The following RORA variants were observed in gnomAD, a reference collection of about 807,000 sequenced individuals.
The protein encoded by RORA is RAR related orphan receptor A.
Under a neutral mutation model 69.5 loss-of-function variants are expected in RORA, and 7 were observed. That is an observed-to-expected ratio of 0.10 (90% CI 0.06 to 0.19). The LOEUF is 0.19. Ranked by LOEUF, RORA falls within the 10% of genes least tolerant of loss-of-function variation. The pLI is 1.00. For synonymous variants in RORA, 261 were observed against 240.8 expected, an observed-to-expected ratio of 1.08 and a Z score of -0.78; for missense variants, 457 against 663.0, an observed-to-expected ratio of 0.69 and a Z score of 3.41.
chr15:61,074,270 AG>A (rs2140621937), intron 1 of RORA, among the ~76,000 whole-genome samples: 1 of 152,352 alleles, frequency 6.6e-6, no homozygotes, highest in South Asian at 2.1e-4. Context: ...CAAGCCTAAA[AG>A]AACAAGATCA....
At chr15:60,597,571 TATACACATATATATATATATATACAC>T (rs1476265154) in intron 2 of RORA, among the ~76,000 whole-genome samples, 1 of 35,348 alleles carries the variant, frequency 2.8e-5, no homozygotes, top group Non-Finnish European at 4.5e-5. Flanking sequence ...TATATATATA[TATACACATATATATATATATATACAC>T]ATATATATAT....
At chr15:60,802,528 C>A (rs952787968) in intron 1 of RORA, among the ~76,000 whole-genome samples, 3 of 152,132 alleles carry the variant, frequency 2.0e-5, no homozygotes, top group African/African-American at 7.2e-5. Flanking sequence ...TATCTGGCTT[C>A]CATGTTCCGA....
Position 60,511,128 on chromosome 15 carries a change from C to T in RORA, c.820+98G>A. 1 of 1,317,918 alleles carries T rather than the reference C, an allele frequency of 7.6e-7. No individual in the cohort carries two copies. The allele number at this position is 1,317,918 out of a possible 1,614,324, so 81.6% of individuals were successfully genotyped here. A position where few individuals can be genotyped will look rare whatever the true frequency, so the allele number is the denominator to read the frequency against. On this transcript the variant is annotated intron_variant, in intron 5 of 10. Transcript: ENST00000335670. The surrounding 1 kb of genome is among the most constrained non-coding windows in gnomAD (Gnocchi z 6.4). ...TGGCCCAAATGGTAAAGGTGAATTG[C>T]ATCATTTAGCAGAACTCATTAGAGG...
At chr15:60,648,965 T>C (rs1393375088) in intron 2 of RORA, among the ~76,000 whole-genome samples, 2 of 152,162 alleles carry the variant, frequency 1.3e-5, no homozygotes. Flanking sequence ...TGAAAGAGGT[T>C]TCTCAATCTA....
chr15:60,655,639 A>C (rs1425776685), intron 2 of RORA, among the ~76,000 whole-genome samples: 5 of 152,216 alleles, frequency 3.3e-5, no homozygotes, highest in Admixed American at 6.5e-5. Flanking sequence ...AAAGCTTCCT[A>C]CAGTAGAAGT....
intron 1 of RORA, among the ~76,000 whole-genome samples, chr15:61,130,638 A>G (rs559925546): frequency 6.6e-6 from 1 of 152,318 alleles, no homozygotes; most frequent in Non-Finnish European, 1.5e-5. Flanking sequence ...GGAGATAAGT[A>G]TATCTAGATA....
chr15:60,819,746 GACACACACACACACAC>G (rs59044853), intron 1 of RORA, among the ~76,000 whole-genome samples: 52 of 119,348 alleles, frequency 4.4e-4, no homozygotes, highest in African/African-American at 1.2e-3. Context: ...GTCAAACCCA[GACACACACACACACAC>G]ACACACACAC....
intron 1 of RORA, among the ~76,000 whole-genome samples, chr15:60,943,066 T>A (rs1225266182): frequency 6.6e-6 from 1 of 152,170 alleles, no homozygotes; most frequent in African/African-American, 2.4e-5. Context: ...AAAGCTGGAG[T>A]CAGGGTACCT....
intron 1 of RORA, among the ~76,000 whole-genome samples, chr15:60,957,211 T>G (rs542845558): frequency 6.6e-6 from 1 of 152,332 alleles, no homozygotes; most frequent in African/African-American, 2.4e-5. Context: ...AAGTAAGGTA[T>G]TATTACAATG....
At chr15:60,866,821 T>TATCTATCC (rs1555458888) in intron 1 of RORA, among the ~76,000 whole-genome samples, 1 of 888 alleles carries the variant, frequency 1.1e-3, no homozygotes, top group Non-Finnish European at 0.015. Flanking sequence ...ATCTTATCTT[T>TATCTATCC]ATCTATCTAT....
At chr15:60,967,290 A>C (rs1253589524) in intron 1 of RORA, among the ~76,000 whole-genome samples, 1 of 152,234 alleles carries the variant, frequency 6.6e-6, no homozygotes, top group East Asian at 1.9e-4. Flanking sequence ...TTACAAATAT[A>C]TGTTTTCACG....
At chr15:60,830,482 T>C (rs1443351495) in intron 1 of RORA, among the ~76,000 whole-genome samples, 3 of 152,224 alleles carry the variant, frequency 2.0e-5, no homozygotes, top group East Asian at 3.8e-4. Context: ...AATCGCTGCA[T>C]AATATTATAT....
In RORA at chr15:60,989,914, A is replaced by C. The variant is rs190657120; in HGVS notation, c.166+239139T>G. On this transcript the variant is annotated intron_variant, in intron 1 of 10. Transcript: ENST00000335670. ...TCTTTTACTTTTGTTTTTATAAGAA[A>C]AGTAGTCCATTCACAGGTCCACCCA... Among the ~76,000 whole-genome samples, 649 of 152,250 alleles carry C rather than the reference A, an allele frequency of 4.3e-3. 8 individuals are homozygous for C. Among genetic ancestry groups the C allele is most frequent in the African/African-American group, 0.015 (621 of 41,560 alleles).
intron 1 of RORA, among the ~76,000 whole-genome samples, chr15:61,019,402 C>T (rs1489892137): frequency 1.3e-5 from 2 of 152,136 alleles, no homozygotes; most frequent in African/African-American, 4.8e-5. Context: ...TGTAGTAATT[C>T]CTAGTGTTGT....
At chr15:61,189,805 C>T (rs953221027) in intron 1 of RORA, among the ~76,000 whole-genome samples, 7 of 116,512 alleles carry the variant, frequency 6.0e-5, no homozygotes, top group South Asian at 3.0e-4. Context: ...TGCAGTGAGC[C>T]GAGATTGCAC....
chr15:60,592,337 C>A, intron 2 of RORA: 4 of 1,314,732 alleles, frequency 3.0e-6, no homozygotes, highest in South Asian at 3.6e-5. Context: ...CTCCTCCCCG[C>A]CCCCCGGAGC....
intron 1 of RORA, among the ~76,000 whole-genome samples, chr15:60,772,280 T>G (rs1011666752): frequency 4.6e-5 from 7 of 151,942 alleles, no homozygotes; most frequent in Non-Finnish European, 7.4e-5. Flanking sequence ...CATTGTTCAG[T>G]TCAAGGTGGG....
At chr15:60,519,867 C>G (rs1052926386) in intron 3 of RORA, 1 of 152,246 alleles carries the variant, frequency 6.6e-6, no homozygotes, top group Non-Finnish European at 1.5e-5. Flanking sequence ...ATGAAACTTA[C>G]TGCAAGGGCA....
intron 1 of RORA, among the ~76,000 whole-genome samples, chr15:60,937,553 C>T (rs1177048473): frequency 1.3e-5 from 2 of 152,146 alleles, no homozygotes; most frequent in South Asian, 4.1e-4. Flanking sequence ...GCACTGGGGG[C>T]AGAAAAATGT....
Sources: allele counts gnomAD v4.1 joint callset (sites outside exome capture counted in the v4.1 genomes callset), GRCh38; gene constraint gnomAD v4.1.1; non-coding constraint Gnocchi (gnomAD v3.1); transcripts MANE v1.5; gene names NCBI Gene and HGNC (gene_info 2026-07-23, HGNC 2026-07-21).